The following GANC variants were observed in gnomAD, a reference collection of about 807,000 sequenced individuals.
GANC encodes the protein glucosidase alpha, neutral C, also known as neutral alpha-glucosidase C.
In GANC, 117 loss-of-function variants were observed where a neutral mutation model predicts 124.2. The ratio of observed to expected loss-of-function variants is 0.94; its 90% CI spans 0.81 to 1.10. GANC has a LOEUF of 1.10. GANC is among the 50% of genes least tolerant of loss of function. The probability of loss-of-function intolerance (pLI) is 0.00; values close to 1 mark genes in which losing one functional copy is unlikely to be tolerated. For synonymous variants in GANC, 377 were observed against 376.8 expected (o/e 1.00, Z -0.01); for missense variants, 1,140 against 1,095.0 (o/e 1.04, Z -0.58).
At position 42,349,632 on chromosome 15, in the gene GANC, TTTTTC is replaced by T. The variant is rs752285997; in HGVS notation, c.2531+157_2531+161del. On this transcript the variant is annotated intron_variant, in intron 22 of 23. Coordinates refer to ENST00000318010, the MANE Select transcript of GANC (RefSeq NM_198141.3). ...TGGTGAAGGCCGTTTCCGGAATATT[TTTTTC>T]TTTTCTTTTCTTTTCTTTTTTTTTG... 39 of 631,818 alleles carry T rather than the reference TTTTTC, an allele frequency of 6.2e-5. 1 individual carries two copies. The highest frequency in any genetic ancestry group is 1.9e-4 in the East Asian group (7 of 35,990). The allele number at this position is 631,818 out of a possible 1,614,324, so 39.1% of individuals were successfully genotyped here. A position where few individuals can be genotyped will look rare whatever the true frequency, so the allele number is the denominator to read the frequency against.
intron 10 of GANC, among the ~76,000 whole-genome samples, chr15:42,321,195 C>T (rs2052153729): frequency 6.6e-6 from 1 of 152,150 alleles, no homozygotes; most frequent in Admixed American, 6.5e-5. Flanking sequence ...AAATATAGGT[C>T]TGCTAAGATT....
Position 42,273,741 on chromosome 15 carries a change from G to GCCCTTCAT in GANC, c.-734_-727dup. The GCCCTTCAT allele has an allele frequency of 3.4e-6, 1 of 294,114 alleles. No individual in the cohort carries two copies. The highest frequency in any genetic ancestry group is 4.2e-5 in the South Asian group (1 of 23,604). 18.2% of individuals were successfully genotyped at this position (294,114 alleles called of 1,614,324 possible). A position where few individuals can be genotyped will look rare whatever the true frequency, so the allele number is the denominator to read the frequency against. ...TGGCTCTCTACTTCCGCTCGCCCCA[G>GCCCTTCAT]CCCTTCATCCCTTCTAAGTCAATGT... is the stretch of plus-strand genomic sequence containing the variant. On this transcript the variant is annotated 5_prime_UTR_variant, in exon 1 of 24. Transcript: ENST00000318010.
intron 5 of GANC, among the ~76,000 whole-genome samples, chr15:42,294,788 G>A (rs2051875200): frequency 6.6e-6 from 1 of 151,126 alleles, no homozygotes; most frequent in African/African-American, 2.5e-5. Context: ...TCTGTTGTAT[G>A]GCTTTACCAT....
intron 5 of GANC, among the ~76,000 whole-genome samples, chr15:42,293,397 A>G (rs1257225594): frequency 6.6e-6 from 1 of 152,166 alleles, no homozygotes; most frequent in Non-Finnish European, 1.5e-5. Flanking sequence ...TCTTACGAAC[A>G]CTGTTTTTAA....
chr15:42,274,406 C>G lies in GANC; in HGVS notation c.-76C>G, dbSNP rs994393687. 4 of 1,484,182 alleles carry G rather than the reference C, an allele frequency of 2.7e-6. No individual in the cohort carries two copies. The highest frequency in any genetic ancestry group is 3.7e-6 in the Non-Finnish European group (4 of 1,082,550). 91.9% of individuals were successfully genotyped at this position (1,484,182 alleles called of 1,614,324 possible). ...ACTGGTTGTAATTTTAGAAAGACAC[C>G]CAATCGGCTTTTTTAAAAGATCGCC... On this transcript the variant is annotated 5_prime_UTR_variant, in exon 1 of 24. Coordinates refer to ENST00000318010, the MANE Select transcript of GANC (RefSeq NM_198141.3).
At chr15:42,287,997 G>T (rs924301234) in intron 4 of GANC, among the ~76,000 whole-genome samples, 179 bp downstream of exon 4, 3 of 151,928 alleles carry the variant, frequency 2.0e-5, no homozygotes, top group African/African-American at 7.3e-5. Flanking sequence ...AGTTATTTGG[G>T]GATAAGTCTA....
At position 42,273,520 on chromosome 15, in the gene GANC, G is replaced by A. The variant is rs2075961607; in HGVS notation, c.-962G>A. On this transcript the variant is annotated 5_prime_UTR_variant, in exon 1 of 24. Coordinates refer to ENST00000318010, the MANE Select transcript of GANC (RefSeq NM_198141.3). ...CCTGGAAACGTCGCGGAGCTTGTTT[G>A]CTGTGCGGCGTAGCGGCCCCTCTCT... The A allele has an allele frequency of 6.8e-7, 1 of 1,480,984 alleles. No homozygotes were observed. 91.7% of individuals were successfully genotyped at this position (1,480,984 alleles called of 1,614,324 possible).
At chr15:42,291,265 T>C (rs777812944) in intron 4 of GANC, among the ~76,000 whole-genome samples, 7 of 152,198 alleles carry the variant, frequency 4.6e-5, no homozygotes, top group African/African-American at 9.7e-5. Flanking sequence ...CAGGTACACA[T>C]ACCAGATAAT....
At chr15:42,337,897 C>G (rs1489188523) in intron 15 of GANC, among the ~76,000 whole-genome samples, 1 of 152,032 alleles carries the variant, frequency 6.6e-6, no homozygotes, top group Non-Finnish European at 1.5e-5. Flanking sequence ...CCCCTCTCTG[C>G]TAAAAATACA....
intron 10 of GANC, 118 bp from the exon 11 acceptor site, chr15:42,321,667 T>C (rs2052158393): frequency 3.5e-6 from 3 of 859,224 alleles, no homozygotes; most frequent in Non-Finnish European, 5.5e-6. Flanking sequence ...TTTCTTCTCC[T>C]TGTTATTCTA....
At chr15:42,342,027 G>T (rs2052332194) in intron 18 of GANC, among the ~76,000 whole-genome samples, 1 of 151,744 alleles carries the variant, frequency 6.6e-6, no homozygotes, top group African/African-American at 2.4e-5. Context: ...TTTGTAATTT[G>T]GTCTCTTTTG....
At chr15:42,316,973 C>T (rs2052111621) in intron 10 of GANC, among the ~76,000 whole-genome samples, 1 of 152,204 alleles carries the variant, frequency 6.6e-6, no homozygotes, top group Non-Finnish European at 1.5e-5. Flanking sequence ...ATATTAAAAG[C>T]TAATGATTAA....
At chr15:42,324,329 G>A (rs1277200438) in intron 11 of GANC, among the ~76,000 whole-genome samples, 1 of 152,080 alleles carries the variant, frequency 6.6e-6, no homozygotes, top group Non-Finnish European at 1.5e-5. Context: ...GTGCACCGTT[G>A]GTAGGAATGC....
chr15:42,288,256 G>A (rs924802224), intron 4 of GANC, among the ~76,000 whole-genome samples: 6 of 152,056 alleles, frequency 3.9e-5, no homozygotes, highest in African/African-American at 7.2e-5. Context: ...ACTATTGGAC[G>A]GACTCACTTA....
chr15:42,276,213 CG>C, intron 1 of GANC, 134 bp from the exon 2 acceptor site: 2 of 598,670 alleles, frequency 3.3e-6, no homozygotes. Context: ...ATACTGTGGC[CG>C]TGACACAATT....
chr15:42,324,964 C>T (rs993811162), intron 11 of GANC, among the ~76,000 whole-genome samples: 1 of 151,994 alleles, frequency 6.6e-6, no homozygotes, highest in Non-Finnish European at 1.5e-5. Context: ...GTGTATTTTA[C>T]CACAATTTAA....
At chr15:42,280,916 G>A in intron 3 of GANC, 1 of 701,948 alleles carries the variant, frequency 1.4e-6, no homozygotes, top group South Asian at 1.5e-5. Context: ...ATGCTCTTCA[G>A]GTCAGGTGCC....
Position 42,327,351 on chromosome 15 carries a change from C to G in GANC, c.1421-12C>G. The stretch of plus-strand genomic sequence containing the variant: ...TGTTCTTGACAGGCTATCTACTGTT[C>G]TGCCTCCACAGGTCTCTCCTCTTAC... On this transcript the variant is annotated splice_polypyrimidine_tract_variant and intron_variant, in intron 12 of 23. Coordinates refer to ENST00000318010, the MANE Select transcript of GANC (RefSeq NM_198141.3). The G allele has an allele frequency of 6.2e-7, 1 of 1,605,050 alleles. No individual in the cohort carries two copies. The highest frequency in any genetic ancestry group is 1.3e-5 in the African/African-American group (1 of 74,770).
At chr15:42,294,688 A>G (rs2141028950) in intron 5 of GANC, among the ~76,000 whole-genome samples, 1 of 151,418 alleles carries the variant, frequency 6.6e-6, no homozygotes, top group South Asian at 2.1e-4. Flanking sequence ...CCTGACACAA[A>G]TGGCGCCACC....
Sources: gnomAD v4.1 joint callset for allele counts (sites outside exome capture counted in the v4.1 genomes callset) on GRCh38, gnomAD v4.1.1 for gene constraint, MANE v1.5 for transcripts, NCBI Gene and HGNC (gene_info 2026-07-23, HGNC 2026-07-21) for gene names.